CSPP1: variants seen among roughly 807,000 people sequenced by gnomAD.
The protein encoded by CSPP1 is centrosome and spindle pole associated protein 1, also known as centrosome and spindle pole-associated protein 1.
CSPP1 carries 126 observed loss-of-function variants against 164.4 expected under a neutral mutation model. The ratio of observed to expected loss-of-function variants is 0.77; its 90% CI spans 0.66 to 0.89. CSPP1 has a LOEUF of 0.89. Among genes scored for constraint, CSPP1 ranks in the 40% least tolerant of loss-of-function variants. CSPP1 has a pLI of 0.00. For synonymous variants in CSPP1, 472 were observed against 476.7 expected, an observed-to-expected ratio of 0.99 and a Z score of 0.13; for missense variants, 1,395 against 1,449.8, an observed-to-expected ratio of 0.96 and a Z score of 0.61.
intron 1 of CSPP1, chr8:67,064,794 T>G: frequency 3.6e-6 from 1 of 280,694 alleles, no homozygotes; most frequent in Non-Finnish European, 6.5e-6. Context: ...TTCGCCGCCG[T>G]GAGGCCGGCA....
intron 27 of CSPP1, 39 bp from the exon 28 acceptor site, chr8:67,179,824 A>G (rs1345933493): frequency 7.0e-7 from 1 of 1,430,278 alleles, no homozygotes; most frequent in Non-Finnish European, 9.8e-7. Flanking sequence ...TTTGTACACA[A>G]AACTAATAAA....
intron 4 of CSPP1, among the ~76,000 whole-genome samples, chr8:67,089,190 A>G (rs894783638): frequency 6.6e-6 from 1 of 152,174 alleles, no homozygotes; most frequent in Admixed American, 6.5e-5. Context: ...TAAAACAAAC[A>G]ACTACCATCT....
chr8:67,082,383 G>A (rs902993621), intron 3 of CSPP1, among the ~76,000 whole-genome samples: 4 of 152,020 alleles, frequency 2.6e-5, no homozygotes, highest in African/African-American at 9.7e-5. Flanking sequence ...CTTTGTCTTA[G>A]GTTTATCCTA....
chr8:67,106,637 T>G (rs1815593981), intron 9 of CSPP1, among the ~76,000 whole-genome samples: 1 of 152,216 alleles, frequency 6.6e-6, no homozygotes, highest in South Asian at 2.1e-4. Flanking sequence ...TTTGCTATAT[T>G]ACACTTGGCA....
chr8:67,092,325 G>T (rs144278484), intron 5 of CSPP1, among the ~76,000 whole-genome samples: 4 of 152,280 alleles, frequency 2.6e-5, no homozygotes, highest in African/African-American at 9.6e-5. Context: ...AGAGATGAAA[G>T]TAATAAAGCA....
chr8:67,125,001 G>A (rs1021702755), intron 15 of CSPP1, among the ~76,000 whole-genome samples: 7 of 152,076 alleles, frequency 4.6e-5, no homozygotes, highest in African/African-American at 1.7e-4. Flanking sequence ...AAATAGAGAA[G>A]AATAAAGTTA....
rs1262104237 is a variant in CSPP1, at chr8:67,118,835, TAAAAG to T, written c.1697+17_1697+21del. 6 of 1,574,156 alleles carry T rather than the reference TAAAAG, an allele frequency of 3.8e-6. No individual in the cohort carries two copies. Among genetic ancestry groups the T allele is most frequent in the Non-Finnish European group, 5.2e-6 (6 of 1,144,614 alleles). The stretch of plus-strand genomic sequence containing the variant: ...ACAACCTGTTGTGTAAGTTATTAGT[TAAAAG>T]AATAATTTTTTCCCCACTTTTATTT... On this transcript the variant is annotated intron_variant, in intron 15 of 30. Coordinates refer to ENST00000678616, the MANE Select transcript of CSPP1 (RefSeq NM_001382391.1).
chr8:67,126,492 A>T (rs544370507), intron 15 of CSPP1, among the ~76,000 whole-genome samples: 133 of 152,218 alleles, frequency 8.7e-4, no homozygotes, highest in Non-Finnish European at 1.5e-3. Flanking sequence ...TTAGACTGAG[A>T]TTTCTTTAAA....
At chr8:67,190,624 C>T (rs1486369447) in intron 28 of CSPP1, 26 bp from the exon 29 acceptor site, 1 of 1,527,744 alleles carries the variant, frequency 6.5e-7, no homozygotes, top group Non-Finnish European at 9.1e-7. Context: ...TATTAAGACT[C>T]CTTCTGCTTT....
In CSPP1 at chr8:67,118,739, T is replaced by C. The variant is rs774722380; in HGVS notation, c.1619-4T>C. 5.0e-6 allele frequency: 8 copies of C among 1,593,492 alleles called. No homozygotes were observed. The African/African-American group carries it at 1.1e-4, about 21-fold the overall frequency. On this transcript the variant is annotated splice_region_variant and splice_polypyrimidine_tract_variant and intron_variant, in intron 14 of 30. Coordinates refer to ENST00000678616, the MANE Select transcript of CSPP1 (RefSeq NM_001382391.1). ...TTTTTTTGTTTTTTTGTTTTTTCTTTAAGATGGTTCAGGAATGATGGGCGT... is the reference window on the plus strand; with the variant it reads ...TTTTTTTGTTTTTTTGTTTTTTCTTCAAGATGGTTCAGGAATGATGGGCGT...
In CSPP1 at chr8:67,118,282, C is replaced by A; in HGVS notation, c.1531C>A (p.Pro511Thr). 6.2e-7 allele frequency: 1 copy of A among 1,613,604 alleles called. No homozygotes were observed. Among genetic ancestry groups the A allele is most frequent in the Non-Finnish European group, 8.5e-7 (1 of 1,179,590 alleles). Residue 511 changes from proline to threonine, a missense_variant, in exon 14 of 31, where the codon CCT becomes ACT. Transcript: ENST00000678616. Reference sequence around the variant, plus strand: ...TCTGCCTCCACCTCCCCTACTACCACCTTTGGCTACTAACTATCGAACTCC... The same window carrying A: ...TCTGCCTCCACCTCCCCTACTACCAACTTTGGCTACTAACTATCGAACTCC... ...APLPPPPLLP[P>T]LATNYRTPYD...
rs1760371371 is a variant in CSPP1, at chr8:67,196,409, A to T, written c.*816A>T. ...TAAGTGAGTCCATGTGAGTTTTCTA[A>T]TCACTCAGTAAGTGATACTTCTAAA... On this transcript the variant is annotated 3_prime_UTR_variant, in exon 31 of 31. Coordinates refer to ENST00000678616, the MANE Select transcript of CSPP1 (RefSeq NM_001382391.1). 1.3e-5 allele frequency: 2 copies of T among 152,152 alleles called. No individual in the cohort carries two copies. Among genetic ancestry groups the T allele is most frequent in the African/African-American group, 4.8e-5 (2 of 41,434 alleles). The allele number at this position is 152,152 out of a possible 1,614,324, so 9.4% of individuals were successfully genotyped here.
At position 67,193,501 on chromosome 8, in the gene CSPP1, C is replaced by T; in HGVS notation, c.3368C>T (p.Ser1123Phe). Residue 1123 changes from serine (S) to phenylalanine (F), a missense_variant, in exon 30 of 31, where the codon TCT becomes TTT. Ser to Phe is a radical substitution (Grantham distance 155). Transcript: ENST00000678616. ...CCTAATGTAGCACCAGATGGTCTCT[C>T]TCTAAAATCTATATCCAGTGTAAAT... ...SRPNVAPDGL[S>F]LKSISSVNVD... is the part of the protein sequence containing the mutation. The T allele has an allele frequency of 6.2e-7, 1 of 1,613,390 alleles. No individual in the cohort carries two copies. Among genetic ancestry groups the T allele is most frequent in the Non-Finnish European group, 8.5e-7 (1 of 1,179,320 alleles).
At chr8:67,074,428 TC>T (rs1807470112) in intron 2 of CSPP1, 77 bp downstream of exon 2, 1 of 801,734 alleles carries the variant, frequency 1.2e-6, no homozygotes, top group Non-Finnish European at 2.0e-6. Flanking sequence ...ATACAAAACA[TC>T]CTCTTCTATG....
intron 17 of CSPP1, among the ~76,000 whole-genome samples, chr8:67,142,693 T>C (rs967678812): frequency 6.6e-6 from 1 of 152,200 alleles, no homozygotes. Context: ...AGGAATAGAA[T>C]TGCTGGGTTG....
At chr8:67,150,495 C>G (rs1825510028) in intron 18 of CSPP1, among the ~76,000 whole-genome samples, 1 of 152,064 alleles carries the variant, frequency 6.6e-6, no homozygotes, top group Non-Finnish European at 1.5e-5. Flanking sequence ...ACCTCCACCT[C>G]CTGGGTTCAA....
Position 67,101,086 on chromosome 8 carries a change from C to T in CSPP1, c.924-1951C>T, listed in dbSNP as rs150092736. Among the ~76,000 whole-genome samples the T allele has an allele frequency of 1.6e-4, 24 of 152,230 alleles. 1 individual carries two copies. The East Asian group carries it at 4.4e-3, about 28-fold the overall frequency. ...TCCAAGGGGTCTCTCCCAGTGGTGT[C>T]ACACAGGAGATGCTTAATTCCTCCA... is the stretch of plus-strand genomic sequence containing the variant. On this transcript the variant is annotated intron_variant, in intron 7 of 30. Coordinates refer to ENST00000678616, the MANE Select transcript of CSPP1 (RefSeq NM_001382391.1).
chr8:67,185,701 A>G (rs1208324681), intron 28 of CSPP1, among the ~76,000 whole-genome samples: 1 of 152,222 alleles, frequency 6.6e-6, no homozygotes, highest in Non-Finnish European at 1.5e-5. Flanking sequence ...GCAAGGTTCC[A>G]AAGAAAAAAG....
rs568889116 is a variant in CSPP1, at chr8:67,092,679, G to A, written c.384+796G>A. ...AGGCTGGTCTCGAGCTCCTGACCTC[G>A]TGATCCACCCGCCTCAGCCTCCCAA... On this transcript the variant is annotated intron_variant, in intron 5 of 30. Coordinates refer to ENST00000678616, the MANE Select transcript of CSPP1 (RefSeq NM_001382391.1). Among the ~76,000 whole-genome samples, 187 of 152,202 alleles carry A rather than the reference G, an allele frequency of 1.2e-3. 1 individual carries two copies. The highest frequency in any genetic ancestry group is 4.3e-3 in the African/African-American group (177 of 41,528).
Sources: allele counts gnomAD v4.1 joint callset (sites outside exome capture counted in the v4.1 genomes callset), GRCh38; gene constraint gnomAD v4.1.1; transcripts MANE v1.5; gene names NCBI Gene and HGNC (gene_info 2026-07-23, HGNC 2026-07-21).